The following PDE2A variants were observed in gnomAD, a reference collection of about 807,000 sequenced individuals.
PDE2A encodes the protein cGMP-dependent 3',5'-cyclic phosphodiesterase.
A neutral mutation model predicts 133.6 loss-of-function variants in PDE2A; 53 were observed. That is an observed-to-expected ratio of 0.40 (90% confidence interval 0.32 to 0.50). The LOEUF (loss-of-function observed/expected upper bound fraction) is 0.50. Ranked by LOEUF, PDE2A falls within the 20% of genes least tolerant of loss-of-function variation. PDE2A has a pLI of 0.73. For missense variants in PDE2A, 796 were observed against 1,232.4 expected (o/e 0.65, Z 5.30); for synonymous variants, 491 against 490.2 (o/e 1.00, Z -0.02).
At chr11:72,599,841 A>C (rs73542596) in intron 4 of PDE2A, among the ~76,000 whole-genome samples, 8,165 of 152,314 alleles carry the variant, frequency 0.054, 526 homozygotes, top group African/African-American at 0.15. Flanking sequence ...ATCAACGTAC[A>C]GACCCACGCT....
intron 2 of PDE2A, among the ~76,000 whole-genome samples, chr11:72,636,681 G>A (rs113597469): frequency 2.0e-5 from 3 of 152,052 alleles, no homozygotes; most frequent in Admixed American, 1.3e-4. Flanking sequence ...TGCCCTTCAC[G>A]TCTACAGCTG....
chr11:72,593,193 A>ACACACT, intron 6 of PDE2A, among the ~76,000 whole-genome samples: 2 of 151,604 alleles, frequency 1.3e-5, no homozygotes, highest in South Asian at 2.1e-4. Context: ...ACACACACAC[A>ACACACT]CACACACGGT....
At chr11:72,671,557 G>A (rs61317161) in intron 1 of PDE2A, among the ~76,000 whole-genome samples, 11,304 of 152,140 alleles carry the variant, frequency 0.074, 510 homozygotes, top group Admixed American at 0.12. Context: ...CTGGGGACAG[G>A]AGGCTGGAGT....
chr11:72,630,935 G>A (rs752829452), intron 2 of PDE2A: 23 of 653,768 alleles, frequency 3.5e-5, no homozygotes, highest in Non-Finnish European at 3.9e-5. Flanking sequence ...TGATATAGGG[G>A]TGGTCCTAGT....
At chr11:72,604,409 AG>A (rs1019435650) in intron 4 of PDE2A, among the ~76,000 whole-genome samples, 1 of 152,196 alleles carries the variant, frequency 6.6e-6, no homozygotes, top group African/African-American at 2.4e-5. Flanking sequence ...TCAAGGTATC[AG>A]GGGGCCAAGT....
chr11:72,632,986 G>C (rs1858491655), intron 2 of PDE2A, among the ~76,000 whole-genome samples: 2 of 152,118 alleles, frequency 1.3e-5, no homozygotes, highest in Admixed American at 1.3e-4. Flanking sequence ...CCTAGCCTGT[G>C]TTTATCACCC....
Position 72,626,124 on chromosome 11 carries a change from G to A in PDE2A, c.144+16130C>T, listed in dbSNP as rs183946700. Among the ~76,000 whole-genome samples the A allele has an allele frequency of 1.1e-3, 161 of 152,382 alleles. 1 individual carries two copies. Among genetic ancestry groups the A allele is most frequent in the Admixed American group, 9.0e-3 (138 of 15,306 alleles). The stretch of plus-strand genomic sequence containing the variant: ...CCTAGGCCTTGCCCGCGAGCCTGGC[G>A]TGGTCTCAGCATGTGTCTTCTCTGG... On this transcript the variant is annotated intron_variant, in intron 2 of 30. Coordinates refer to ENST00000334456, the MANE Select transcript of PDE2A (RefSeq NM_002599.5).
At chr11:72,585,072 C>G (rs911044229) in intron 16 of PDE2A, 128 bp from the exon 17 acceptor site, 1 of 888,160 alleles carries the variant, frequency 1.1e-6, no homozygotes, top group Non-Finnish European at 1.8e-6. Flanking sequence ...ACACTCTGCT[C>G]AGGGCTGGCT....
intron 4 of PDE2A, among the ~76,000 whole-genome samples, chr11:72,604,787 C>A (rs1345399737): frequency 6.6e-6 from 1 of 152,176 alleles, no homozygotes; most frequent in African/African-American, 2.4e-5. Context: ...CCAGGTCCAG[C>A]CTCGCAGTAG....
At chr11:72,638,998 A>G (rs531349546) in intron 2 of PDE2A, among the ~76,000 whole-genome samples, 9 of 152,176 alleles carry the variant, frequency 5.9e-5, no homozygotes, top group Non-Finnish European at 1.0e-4. Context: ...TTCATTTCAG[A>G]GAACCTTCTG....
At position 72,584,528 on chromosome 11, in the gene PDE2A, TCCG is replaced by T; in HGVS notation, c.1537+20_1537+22del. 1 of 1,571,622 alleles carries T rather than the reference TCCG, an allele frequency of 6.4e-7. No individual in the cohort carries two copies. The highest frequency in any genetic ancestry group is 8.6e-7 in the Non-Finnish European group (1 of 1,158,710). On this transcript the variant is annotated intron_variant, in intron 18 of 30. Coordinates refer to ENST00000334456, the MANE Select transcript of PDE2A (RefSeq NM_002599.5). ...CCCCGCCCGGCGCAGGCCCCGCCCC[TCCG>T]CCCGGGCCGCCACGCGCACCCTGGT...
chr11:72,590,005 A>AG lies in PDE2A; in HGVS notation c.757-25dup. On this transcript the variant is annotated intron_variant, in intron 9 of 30. Coordinates refer to ENST00000334456, the MANE Select transcript of PDE2A (RefSeq NM_002599.5). The surrounding 1 kb of genome is among the most constrained non-coding windows in gnomAD (Gnocchi z 4.8). ...AGCTGAGAGAGGGACAGGCAGGGCG[A>AG]GGGGGTGACCGCGGATCCGGGTCAC... The AG allele has an allele frequency of 6.3e-7, 1 of 1,588,774 alleles. No homozygotes were observed. Among genetic ancestry groups the AG allele is most frequent in the Non-Finnish European group, 8.6e-7 (1 of 1,164,144 alleles).
chr11:72,596,657 GA>G lies in PDE2A; in HGVS notation c.434-10del. ...TAGCGGCATGACCAGCACTGAGGGGGAGAGGGCAATGAGGTGCTCCTGCAGG... is the reference window on the plus strand; with the variant it reads ...TAGCGGCATGACCAGCACTGAGGGGGGAGGGCAATGAGGTGCTCCTGCAGG... On this transcript the variant is annotated splice_polypyrimidine_tract_variant and intron_variant, in intron 5 of 30. Transcript: ENST00000334456. The G allele has an allele frequency of 6.9e-7, 1 of 1,450,740 alleles. No homozygotes were observed. Among genetic ancestry groups the G allele is most frequent in the Non-Finnish European group, 9.2e-7 (1 of 1,090,602 alleles). The allele number at this position is 1,450,740 out of a possible 1,614,324, so 89.9% of individuals were successfully genotyped here. A position where few individuals can be genotyped will look rare whatever the true frequency, so the allele number is the denominator to read the frequency against.
chr11:72,596,456 CATCTCTCTCTCTCT>C (rs1348166456), intron 6 of PDE2A, 123 bp downstream of exon 6: 2 of 315,404 alleles, frequency 6.3e-6, no homozygotes, highest in Non-Finnish European at 5.2e-6. Context: ...TTATGGCTCC[CATCTCTCTCTCTCT>C]CTCTCTCTCT....
chr11:72,672,172 CTTTT>C (rs34720752), intron 1 of PDE2A, among the ~76,000 whole-genome samples: 1 of 148,638 alleles, frequency 6.7e-6, no homozygotes, highest in Non-Finnish European at 1.5e-5. Context: ...TTTTCTTCTT[CTTTT>C]TTTTTTTCTT....
At position 72,581,482 on chromosome 11, in the gene PDE2A, G is replaced by A. The variant is rs1303952668; in HGVS notation, c.1923-3C>T. ...CCTTCTTCACCATCAAACAGAACCT[G>A]GGGGAGGGAAGAGGGCAGAAGAGGG... On this transcript the variant is annotated splice_polypyrimidine_tract_variant and splice_region_variant and intron_variant, in intron 22 of 30. Coordinates refer to ENST00000334456, the MANE Select transcript of PDE2A (RefSeq NM_002599.5). The A allele has an allele frequency of 6.3e-7, 1 of 1,590,542 alleles. No individual in the cohort carries two copies. The highest frequency in any genetic ancestry group is 8.6e-7 in the Non-Finnish European group (1 of 1,169,154).
At chr11:72,648,678 G>C (rs1859195223) in intron 1 of PDE2A, among the ~76,000 whole-genome samples, 1 of 152,128 alleles carries the variant, frequency 6.6e-6, no homozygotes, top group Non-Finnish European at 1.5e-5. Flanking sequence ...GCTCACAGGG[G>C]ATAAAGTCCA....
intron 13 of PDE2A, 32 bp downstream of exon 13, chr11:72,588,752 C>T (rs988711641): frequency 1.3e-6 from 2 of 1,569,938 alleles, no homozygotes; most frequent in Middle Eastern, 1.7e-4. Context: ...TCAGTGACAT[C>T]TCCTGATCTG....
intron 4 of PDE2A, among the ~76,000 whole-genome samples, chr11:72,603,422 A>G (rs995901460): frequency 1.1e-4 from 16 of 152,122 alleles, no homozygotes; most frequent in Non-Finnish European, 2.1e-4. Flanking sequence ...CACCCACTCT[A>G]CATGCCCAGA....
Sources: allele counts gnomAD v4.1 joint callset (sites outside exome capture counted in the v4.1 genomes callset), GRCh38; gene constraint gnomAD v4.1.1; non-coding constraint Gnocchi (gnomAD v3.1); transcripts MANE v1.5; gene names NCBI Gene and HGNC (gene_info 2026-07-23, HGNC 2026-07-21).